Variants in DLG4 observed in about 807,000 individuals in gnomAD.
The protein encoded by DLG4 is disks large homolog 4.
A neutral mutation model predicts 93.8 loss-of-function variants in DLG4; 7 were observed. The observed-to-expected ratio is 0.07, with a 90% CI of 0.04 to 0.14. The LOEUF (loss-of-function observed/expected upper bound fraction) is 0.14. Ranked by LOEUF, DLG4 falls within the 10% of genes least tolerant of loss-of-function variation. The pLI is 1.00. For synonymous variants in DLG4, 341 were observed against 387.6 expected (o/e 0.88, Z 1.41); for missense variants, 545 against 992.9 (o/e 0.55, Z 6.06).
intron 1 of DLG4, among the ~76,000 whole-genome samples, chr17:7,212,638 A>T (rs1317061301): frequency 2.6e-5 from 4 of 152,076 alleles, no homozygotes; most frequent in Non-Finnish European, 5.9e-5. Flanking sequence ...AATCTCGTCA[A>T]TTTTTTCCAA....
rs1386314477 is a variant in DLG4, at chr17:7,194,389, A to G, written c.1408T>C (p.Trp470Arg). Residue 470 changes from tryptophan to arginine, a missense_variant, in exon 12 of 20, where the codon TGG (tryptophan) becomes CGG (arginine). Around this residue, in one of 5 missense-constraint regions of DLG4, gnomAD observed 428 missense variants for 741.4 expected, o/e 0.58. Transcript: ENST00000399506. This position sits in a 1 kb window ranked among gnomAD's most constrained non-coding sequence, Gnocchi z 4.4. Reference protein sequence around the residue: ...LHVIDASDEEWWQARRVHSDS... With the variant: ...LHVIDASDEERWQARRVHSDS... The stretch of plus-strand genomic sequence containing the variant: ...GAGTGGACCCGCCGTGCCTGCCACC[A>G]CTCCTCATCACTAGCATCGATGACA... The G allele has an allele frequency of 6.2e-7, 1 of 1,612,634 alleles. No homozygotes were observed. The highest frequency in any genetic ancestry group is 1.7e-5 in the Admixed American group (1 of 59,818).
At chr17:7,204,314 C>G in intron 2 of DLG4, 62 bp from the exon 3 acceptor site, 2 of 1,482,660 alleles carry the variant, frequency 1.3e-6, no homozygotes, top group East Asian at 2.3e-5. Flanking sequence ...GAGCCCATAA[C>G]GGAGGGTCCC....
In DLG4 at chr17:7,192,990, G is replaced by A. The variant is rs1006147091; in HGVS notation, c.1821C>T (p.His607=). 14 of 1,613,728 alleles carry A rather than the reference G, an allele frequency of 8.7e-6. No individual in the cohort carries two copies. Among genetic ancestry groups the A allele is most frequent in the Non-Finnish European group, 1.2e-5 (14 of 1,179,740 alleles). ...CGGACTGGACGCTGGTCCCATAGAG[G>A]TGGCTGTTGTACTGGCCGGCCTCAA... is the stretch of plus-strand genomic sequence containing the variant. ...KFIEAGQYNS[H]LYGTSVQSVR... is the part of the protein sequence containing the mutation. Residue 607 remains histidine (H), a synonymous_variant, in exon 17 of 20, where the codon CAC becomes CAT. Transcript: ENST00000399506.
intron 2 of DLG4, chr17:7,205,316 G>T (rs1346466699): frequency 4.5e-6 from 2 of 443,542 alleles, no homozygotes; most frequent in African/African-American, 2.1e-5. Context: ...AGACTCCCAG[G>T]CGGGGCCCGC....
intron 17 of DLG4, among the ~76,000 whole-genome samples, chr17:7,192,621 G>A (rs77226080): frequency 6.6e-6 from 1 of 151,546 alleles, no homozygotes; most frequent in Non-Finnish European, 1.5e-5. Flanking sequence ...AAAAAGGGAG[G>A]GACCCAGTGG....
chr17:7,218,954 G>T, upstream of DLG4: 1 of 1,261,578 alleles, frequency 7.9e-7, no homozygotes, highest in South Asian at 1.2e-5. Context: ...TCTCTGAGCC[G>T]ACCAGCTGTC....
chr17:7,190,963 C>CTTTTT (rs35868661), intron 19 of DLG4, 149 bp from the exon 20 acceptor site: 280 of 348,014 alleles, frequency 8.0e-4, no homozygotes, highest in South Asian at 1.8e-3. Flanking sequence ...AGGGGCACCT[C>CTTTTT]TTTTTTTTTT....
upstream of DLG4, chr17:7,218,105 C>T (rs2071017807): frequency 5.1e-5 from 41 of 796,562 alleles, no homozygotes; most frequent in South Asian, 7.0e-4. Flanking sequence ...TCTCGGTGCC[C>T]CAAGTCCCTG....
intron 2 of DLG4, among the ~76,000 whole-genome samples, chr17:7,204,580 G>C (rs1333386752): frequency 1.3e-5 from 2 of 152,022 alleles, no homozygotes; most frequent in Non-Finnish European, 2.9e-5. Flanking sequence ...GGCAAAGAGT[G>C]GGGAGAGGGG....
rs2069706358 is a variant in DLG4, at chr17:7,195,092, C to A, written c.1302-597G>T. On this transcript the variant is annotated intron_variant, in intron 11 of 19. Transcript: ENST00000399506. The surrounding 1 kb of genome is among the most constrained non-coding windows in gnomAD (Gnocchi z 4.3). ...AGTACACACGCACATCATAAAGTCA[C>A]AGGGGTAACCCTGAATCTGCCCAAA... 6.6e-6 allele frequency among the ~76,000 whole-genome samples: 1 copy of A among 151,852 alleles called. No individual in the cohort carries two copies. Among genetic ancestry groups the A allele is most frequent in the South Asian group, 2.1e-4 (1 of 4,804 alleles).
chr17:7,213,347 G>A (rs1015640970), intron 1 of DLG4, among the ~76,000 whole-genome samples: 12 of 151,986 alleles, frequency 7.9e-5, no homozygotes, highest in African/African-American at 2.4e-4. Context: ...TGATCCGCGC[G>A]CCTCGGGCTC....
chr17:7,202,871 A>T, intron 8 of DLG4, 32 bp downstream of exon 8: 1 of 1,613,328 alleles, frequency 6.2e-7, no homozygotes, highest in African/African-American at 1.3e-5. Context: ...GGGATGGGTC[A>T]TGGGGAACTT....
chr17:7,207,892 G>A (rs1229856405), intron 2 of DLG4, among the ~76,000 whole-genome samples: 4 of 152,060 alleles, frequency 2.6e-5, no homozygotes, highest in Non-Finnish European at 4.4e-5. Flanking sequence ...GTGGGACCAA[G>A]GTGTTTCCAG....
intron 2 of DLG4, 128 bp from the exon 3 acceptor site, chr17:7,204,380 G>T: frequency 2.4e-6 from 2 of 840,754 alleles, no homozygotes; most frequent in Non-Finnish European, 3.7e-6. Flanking sequence ...CACCCTGAGA[G>T]CTGCTCAAGG....
chr17:7,219,888 G>A, upstream of DLG4: 1 of 1,544,222 alleles, frequency 6.5e-7, no homozygotes, highest in Non-Finnish European at 8.7e-7. Context: ...GGTGCACTGT[G>A]GACGATGAGT....
intron 2 of DLG4, among the ~76,000 whole-genome samples, chr17:7,204,587 G>T (rs186210536): frequency 6.6e-6 from 1 of 151,990 alleles, no homozygotes; most frequent in African/African-American, 2.4e-5. Flanking sequence ...AGTGGGGAGA[G>T]GGGGGTAGGC....
upstream of DLG4, chr17:7,219,918 A>ACGAGGG: frequency 6.4e-7 from 1 of 1,567,556 alleles, no homozygotes; most frequent in African/African-American, 1.3e-5. Flanking sequence ...GGGCGCCAGG[A>ACGAGGG]CGTGGGCGTG....
Position 7,194,435 on chromosome 17 carries a change from G to A in DLG4, c.1362C>T (p.Phe454=), listed in dbSNP as rs767493865. 1.2e-6 allele frequency: 2 copies of A among 1,612,180 alleles called. No homozygotes were observed. The highest frequency in any genetic ancestry group is 1.7e-6 in the Non-Finnish European group (2 of 1,179,206). Reference sequence around the variant, plus strand: ...TGACATGCAGCACATCCCCAAAGCGGAAGCTCAGGGCCTGGCTCAGGAAGC... The same window carrying A: ...TGACATGCAGCACATCCCCAAAGCGAAAGCTCAGGGCCTGGCTCAGGAAGC... The part of the protein sequence containing the change: ...DCGFLSQALS[F]RFGDVLHVID... Residue 454 remains phenylalanine, a synonymous_variant, in exon 12 of 20, where the codon TTC becomes TTT. Transcript: ENST00000399506. The surrounding 1 kb of genome is among the most constrained non-coding windows in gnomAD (Gnocchi z 4.4).
chr17:7,218,975 A>G (rs1314024776), upstream of DLG4: 2 of 997,706 alleles, frequency 2.0e-6, no homozygotes, highest in African/African-American at 1.6e-5. Context: ...CCATTCCCCC[A>G]GGTCCCAAGG....
Sources: gnomAD v4.1 joint callset for allele counts (sites outside exome capture counted in the v4.1 genomes callset) on GRCh38, gnomAD v4.1.1 for gene constraint, gnomAD v4.1.1 regional missense constraint, Gnocchi (gnomAD v3.1) non-coding constraint, MANE v1.5 for transcripts, NCBI Gene and HGNC (gene_info 2026-07-23, HGNC 2026-07-21) for gene names.